Variants in RAI14 observed in about 807,000 individuals in gnomAD.
RAI14 encodes the protein ankycorbin.
RAI14 carries 45 observed loss-of-function variants against 115.4 expected under a neutral mutation model. The ratio of observed to expected loss-of-function variants is 0.39; its 90% CI spans 0.31 to 0.50. RAI14 has a LOEUF of 0.50. Among genes scored for constraint, RAI14 ranks in the 20% least tolerant of loss-of-function variants. The pLI is 0.85. For missense variants in RAI14, 939 were observed against 1,131.2 expected, an observed-to-expected ratio of 0.83 and a Z score of 2.44; for synonymous variants, 371 against 415.4, an observed-to-expected ratio of 0.89 and a Z score of 1.30.
chr5:34,763,237 T>C (rs1748918536), intron 3 of RAI14, among the ~76,000 whole-genome samples: 1 of 152,154 alleles, frequency 6.6e-6, no homozygotes, highest in Non-Finnish European at 1.5e-5. Flanking sequence ...GAAATCGAGT[T>C]ATACCACCTG....
intron 3 of RAI14, among the ~76,000 whole-genome samples, chr5:34,776,721 C>G (rs114266550): frequency 6.6e-6 from 1 of 151,062 alleles, no homozygotes; most frequent in Non-Finnish European, 1.5e-5. Flanking sequence ...ATGGGAGAAT[C>G]GCTTGAGCCA....
chr5:34,716,843 G>C (rs559146834), intron 2 of RAI14: 1 of 152,172 alleles, frequency 6.6e-6, no homozygotes, highest in Non-Finnish European at 1.5e-5. Context: ...GAAATCCATG[G>C]AGAAGAGTTT....
rs755578782 is a variant in RAI14, at chr5:34,814,643, G to C, written c.913G>C (p.Val305Leu). 20 of 1,613,086 alleles carry C rather than the reference G, an allele frequency of 1.2e-5. No homozygotes were observed. Among genetic ancestry groups the C allele is most frequent in the Non-Finnish European group, 1.7e-5 (20 of 1,179,320 alleles). The change falls in exon 12 of 18, where the codon GTA becomes CTA. Residue 305 changes from valine (V) to leucine (L), a missense_variant. Transcript: ENST00000265109. ...GACTCCACTATCGGGAAAGGAATCG[G>C]TATTTTTTGCTGAACCACCCTTCAA... ...TSTPLSGKESVFFAEPPFKAE... is the reference protein window; with the variant it reads ...TSTPLSGKESLFFAEPPFKAE...
chr5:34,746,772 C>T (rs1374691611), intron 2 of RAI14, among the ~76,000 whole-genome samples: 1 of 152,134 alleles, frequency 6.6e-6, no homozygotes, highest in African/African-American at 2.4e-5. Context: ...CTAAAAAGTT[C>T]CTGATATGTC....
At chr5:34,781,483 A>C (rs1334657438) in intron 3 of RAI14, among the ~76,000 whole-genome samples, 2 of 152,226 alleles carry the variant, frequency 1.3e-5, no homozygotes, top group East Asian at 3.8e-4. Context: ...GCTGATAATT[A>C]ACCAAAAGAA....
At chr5:34,733,535 A>G (rs1424638593) in intron 2 of RAI14, among the ~76,000 whole-genome samples, 5 of 152,202 alleles carry the variant, frequency 3.3e-5, no homozygotes, top group Non-Finnish European at 7.3e-5. Context: ...AAGCTTTCAG[A>G]GTAATCCAGT....
At chr5:34,769,572 G>A (rs1174866243) in intron 3 of RAI14, among the ~76,000 whole-genome samples, 1 of 152,132 alleles carries the variant, frequency 6.6e-6, no homozygotes, top group East Asian at 1.9e-4. Flanking sequence ...ACACTTGGTA[G>A]GCTGGAATGG....
intron 2 of RAI14, among the ~76,000 whole-genome samples, chr5:34,703,366 T>G (rs1335049738): frequency 6.6e-6 from 1 of 152,232 alleles, no homozygotes; most frequent in Non-Finnish European, 1.5e-5. Context: ...ACCACTTAAG[T>G]AAAAATTTGT....
At chr5:34,762,590 G>A (rs1239143528) in intron 3 of RAI14, among the ~76,000 whole-genome samples, 3 of 152,188 alleles carry the variant, frequency 2.0e-5, no homozygotes, top group Non-Finnish European at 4.4e-5. Context: ...AAGAATAAAG[G>A]AAGGGTGGTG....
In RAI14 at chr5:34,799,470, GA is replaced by G. The variant is rs1385349386; in HGVS notation, c.256+3450del. 4.2e-5 allele frequency among the ~76,000 whole-genome samples: 6 copies of G among 142,586 alleles called. No individual in the cohort carries two copies. In the East Asian group the frequency reaches 8.3e-4, roughly 20 times the overall value. The allele number at this position is 142,586 out of a possible 152,430, so 93.5% of individuals were successfully genotyped here. A position where few individuals can be genotyped will look rare whatever the true frequency, so the allele number is the denominator to read the frequency against. ...ATAAATCCTGCCCTGTAGAATTTTT[GA>G]AAAAAACAAAACACACACACAGACA... On this transcript the variant is annotated intron_variant, in intron 4 of 17. Transcript: ENST00000265109.
intron 2 of RAI14, among the ~76,000 whole-genome samples, chr5:34,722,492 C>T (rs901035401): frequency 4.6e-5 from 7 of 151,806 alleles, no homozygotes; most frequent in South Asian, 4.2e-4. Flanking sequence ...ACATCCCCTC[C>T]GGTTTTAGTG....
At chr5:34,830,665 T>C (rs1260709110) in intron 17 of RAI14, 23 bp from the exon 18 acceptor site, 4 of 1,613,924 alleles carry the variant, frequency 2.5e-6, no homozygotes, top group Non-Finnish European at 3.4e-6. Flanking sequence ...TTCTAATGAG[T>C]ATCTTGTGTT....
intron 2 of RAI14, among the ~76,000 whole-genome samples, chr5:34,743,606 G>A (rs1051572742): frequency 3.3e-5 from 5 of 152,272 alleles, no homozygotes; most frequent in Middle Eastern, 3.4e-3. Flanking sequence ...TGTACGTAGG[G>A]CTAGCCAACA....
At chr5:34,732,091 AGCAGAAGT>A (rs1020986687) in intron 2 of RAI14, among the ~76,000 whole-genome samples, 4 of 152,184 alleles carry the variant, frequency 2.6e-5, no homozygotes, top group Non-Finnish European at 4.4e-5. Context: ...GGTCAGAAAA[AGCAGAAGT>A]GCAAGTCCAA....
intron 1 of RAI14, among the ~76,000 whole-genome samples, chr5:34,682,197 G>C (rs749097396): frequency 5.3e-5 from 8 of 151,854 alleles, no homozygotes; most frequent in Non-Finnish European, 1.2e-4. Context: ...GAATGTAATA[G>C]AGATTATTAA....
At chr5:34,729,391 T>C (rs1412490006) in intron 2 of RAI14, among the ~76,000 whole-genome samples, 2 of 152,164 alleles carry the variant, frequency 1.3e-5, no homozygotes, top group Non-Finnish European at 2.9e-5. Flanking sequence ...TGGGGCTTCA[T>C]TATATTCTTT....
intron 3 of RAI14, among the ~76,000 whole-genome samples, chr5:34,783,075 T>C (rs1192011155): frequency 6.6e-6 from 1 of 152,192 alleles, no homozygotes; most frequent in African/African-American, 2.4e-5. Flanking sequence ...TATCCAGGCA[T>C]TATTGCCAGC....
chr5:34,806,044 A>C (rs915339209), intron 5 of RAI14, among the ~76,000 whole-genome samples: 1 of 152,176 alleles, frequency 6.6e-6, no homozygotes, highest in Non-Finnish European at 1.5e-5. Flanking sequence ...GCACAGCAGT[A>C]AAAAGGAAGC....
At chr5:34,660,418 A>G (rs1742601943) in intron 1 of RAI14, among the ~76,000 whole-genome samples, 4 of 152,236 alleles carry the variant, frequency 2.6e-5, no homozygotes, top group Admixed American at 2.6e-4. Context: ...CCTGGGCAAC[A>G]AGAGTGAAAC....
Sources: gnomAD v4.1 joint callset for allele counts (sites outside exome capture counted in the v4.1 genomes callset) on GRCh38, gnomAD v4.1.1 for gene constraint, MANE v1.5 for transcripts, NCBI Gene and HGNC (gene_info 2026-07-23, HGNC 2026-07-21) for gene names.